Variants in ARHGAP10 observed in about 807,000 individuals in gnomAD.
The protein encoded by ARHGAP10 is rho GTPase-activating protein 10.
A neutral mutation model predicts 108.6 loss-of-function variants in ARHGAP10; 87 were observed. The observed-to-expected ratio is 0.80, with a 90% CI of 0.67 to 0.96. ARHGAP10 has a LOEUF of 0.96. Among genes scored for constraint, ARHGAP10 ranks in the 40% least tolerant of loss-of-function variants. The pLI is 0.00. For missense variants in ARHGAP10, 939 were observed against 954.5 expected, an observed-to-expected ratio of 0.98 and a Z score of 0.21; for synonymous variants, 347 against 341.1, an observed-to-expected ratio of 1.02 and a Z score of -0.19.
At chr4:147,943,856 A>G (rs1738268451) in intron 14 of ARHGAP10, among the ~76,000 whole-genome samples, 1 of 152,192 alleles carries the variant, frequency 6.6e-6, no homozygotes, top group African/African-American at 2.4e-5. Flanking sequence ...AAACAGTGAA[A>G]ATTTAAGAGA....
chr4:147,922,143 G>C (rs1560827787), intron 13 of ARHGAP10, among the ~76,000 whole-genome samples: 1 of 152,092 alleles, frequency 6.6e-6, no homozygotes, highest in African/African-American at 2.4e-5. Flanking sequence ...GCAGAGGGGT[G>C]AACGAGGGTC....
chr4:147,940,404 A>G (rs1578713982), intron 14 of ARHGAP10, among the ~76,000 whole-genome samples: 1 of 152,228 alleles, frequency 6.6e-6, no homozygotes, highest in East Asian at 1.9e-4. Context: ...CTGATAACAC[A>G]GTGTTCTTTG....
At chr4:147,762,707 A>G (rs1729641726) in intron 1 of ARHGAP10, among the ~76,000 whole-genome samples, 1 of 150,262 alleles carries the variant, frequency 6.7e-6, no homozygotes, top group South Asian at 2.1e-4. Context: ...TTTTTTTTGT[A>G]TTTTTAGTAG....
At chr4:147,933,830 C>G (rs546075978) in intron 13 of ARHGAP10, among the ~76,000 whole-genome samples, 1 of 152,214 alleles carries the variant, frequency 6.6e-6, no homozygotes, top group East Asian at 1.9e-4. Context: ...TGCTGTGGGG[C>G]AGAGGCTGGA....
intron 18 of ARHGAP10, among the ~76,000 whole-genome samples, chr4:148,011,420 A>G (rs1315898583): frequency 6.6e-6 from 1 of 152,184 alleles, no homozygotes; most frequent in Non-Finnish European, 1.5e-5. Flanking sequence ...GCTGACTCAC[A>G]GGCTGGGCTC....
intron 20 of ARHGAP10, among the ~76,000 whole-genome samples, chr4:148,053,499 C>A (rs1484517736): frequency 6.6e-6 from 1 of 152,186 alleles, no homozygotes; most frequent in African/African-American, 2.4e-5. Flanking sequence ...CCTTCTCCCC[C>A]ACAGCAGAGC....
chr4:147,897,834 T>G (rs1306936439), intron 10 of ARHGAP10, among the ~76,000 whole-genome samples: 1 of 152,168 alleles, frequency 6.6e-6, no homozygotes, highest in East Asian at 1.9e-4. Context: ...TATGCATACA[T>G]GTGGGTGTAA....
intron 12 of ARHGAP10, 25 bp from the exon 13 acceptor site, chr4:147,913,049 T>TA: frequency 6.3e-7 from 1 of 1,591,498 alleles, no homozygotes. Flanking sequence ...ATTGTACACT[T>TA]AATGTTTTAA....
chr4:147,740,207 G>A (rs961957490), intron 1 of ARHGAP10, among the ~76,000 whole-genome samples: 14 of 151,834 alleles, frequency 9.2e-5, no homozygotes, highest in African/African-American at 2.9e-4. Flanking sequence ...ATAGGTGTGT[G>A]CCACCAGGCC....
At chr4:148,065,698 A>G (rs1401481161) in intron 22 of ARHGAP10, 2 of 152,166 alleles carry the variant, frequency 1.3e-5, no homozygotes, top group Non-Finnish European at 2.9e-5. Context: ...AATGTGATGA[A>G]TTTTTATTTT....
chr4:148,041,615 G>A (rs551813436), intron 19 of ARHGAP10, among the ~76,000 whole-genome samples: 4 of 152,314 alleles, frequency 2.6e-5, no homozygotes, highest in Admixed American at 2.6e-4. Context: ...TCAAGCTCTT[G>A]TTTCCTCCTC....
At chr4:147,824,596 CATG>C (rs1365840950) in intron 3 of ARHGAP10, among the ~76,000 whole-genome samples, 4 of 152,128 alleles carry the variant, frequency 2.6e-5, no homozygotes, top group Non-Finnish European at 5.9e-5. Context: ...AACTTACAGT[CATG>C]GTGGTGGAAG....
chr4:148,038,035 A>G (rs1412839671), intron 19 of ARHGAP10, among the ~76,000 whole-genome samples: 1 of 152,186 alleles, frequency 6.6e-6, no homozygotes, highest in Non-Finnish European at 1.5e-5. Context: ...GTCCAAAAAC[A>G]TTTGAACTGG....
chr4:147,870,259 C>T (rs891193918), intron 7 of ARHGAP10, among the ~76,000 whole-genome samples: 7 of 152,086 alleles, frequency 4.6e-5, no homozygotes, highest in Non-Finnish European at 1.0e-4. Flanking sequence ...GACGGCGATT[C>T]ACCGTGTTAG....
intron 15 of ARHGAP10, among the ~76,000 whole-genome samples, chr4:147,948,467 G>T (rs914818677): frequency 6.6e-6 from 1 of 152,090 alleles, no homozygotes; most frequent in Non-Finnish European, 1.5e-5. Context: ...TTGGTTGATA[G>T]GTTTTAAGGC....
At chr4:147,928,720 A>G (rs1737555568) in intron 13 of ARHGAP10, among the ~76,000 whole-genome samples, 1 of 152,192 alleles carries the variant, frequency 6.6e-6, no homozygotes, top group South Asian at 2.1e-4. Flanking sequence ...TCTTCCCAGC[A>G]TGTGCTTTAT....
At chr4:147,747,461 C>T (rs1235042981) in intron 1 of ARHGAP10, among the ~76,000 whole-genome samples, 2 of 152,104 alleles carry the variant, frequency 1.3e-5, no homozygotes, top group Non-Finnish European at 2.9e-5. Flanking sequence ...CAAAAGATAC[C>T]CATCAGTGGG....
chr4:148,004,570 C>T (rs1019634494), intron 18 of ARHGAP10, among the ~76,000 whole-genome samples: 17 of 152,328 alleles, frequency 1.1e-4, no homozygotes, highest in Admixed American at 3.3e-4. Context: ...TAATCAACCA[C>T]GTGAACTGTC....
At chr4:147,806,891 A>G (rs1413343754) in intron 1 of ARHGAP10, among the ~76,000 whole-genome samples, 1 of 152,110 alleles carries the variant, frequency 6.6e-6, no homozygotes, top group Non-Finnish European at 1.5e-5. Context: ...TTTGAATAGC[A>G]TTGCCTGTAG....
Sources: gnomAD v4.1 joint callset for allele counts (sites outside exome capture counted in the v4.1 genomes callset) on GRCh38, gnomAD v4.1.1 for gene constraint, MANE v1.5 for transcripts, NCBI Gene and HGNC (gene_info 2026-07-23, HGNC 2026-07-21) for gene names.